The following TMTC1 variants were observed in gnomAD, a reference collection of about 807,000 sequenced individuals.
The protein encoded by TMTC1 is protein O-mannosyl-transferase TMTC1.
A neutral mutation model predicts 104.8 loss-of-function variants in TMTC1; 73 were observed. That is an observed-to-expected ratio of 0.70 (90% CI 0.58 to 0.85). The LOEUF is 0.85. TMTC1 is among the 40% of genes least tolerant of loss of function. The probability of loss-of-function intolerance (pLI) is 0.00; values close to 1 mark genes in which losing one functional copy is unlikely to be tolerated. For synonymous variants in TMTC1, 434 were observed against 428.7 expected, an observed-to-expected ratio of 1.01 and a Z score of -0.15; for missense variants, 1,035 against 1,096.1, an observed-to-expected ratio of 0.94 and a Z score of 0.79.
At chr12:29,643,536 A>AT (rs1938987825) in intron 5 of TMTC1, among the ~76,000 whole-genome samples, 3 of 45,414 alleles carry the variant, frequency 6.6e-5, no homozygotes, top group Non-Finnish European at 1.2e-4. Context: ...AAAATATATA[A>AT]TATATATCAC....
At chr12:29,708,674 C>T (rs1347298563) in intron 5 of TMTC1, among the ~76,000 whole-genome samples, 1 of 152,132 alleles carries the variant, frequency 6.6e-6, no homozygotes, top group East Asian at 1.9e-4. Context: ...GGAAAACTTG[C>T]GTTTGTTAAA....
intron 5 of TMTC1, among the ~76,000 whole-genome samples, chr12:29,689,569 C>A (rs1435411333): frequency 6.6e-6 from 1 of 152,108 alleles, no homozygotes; most frequent in African/African-American, 2.4e-5. Flanking sequence ...CGTCTCAGGC[C>A]CTGGGCTCTG....
At chr12:29,618,643 C>T (rs1947052180) in intron 6 of TMTC1, among the ~76,000 whole-genome samples, 1 of 151,876 alleles carries the variant, frequency 6.6e-6, no homozygotes, top group African/African-American at 2.4e-5. Flanking sequence ...GGGCACTGCA[C>T]TTACAGCTAA....
intron 2 of TMTC1, among the ~76,000 whole-genome samples, chr12:29,760,712 A>C (rs573182675): frequency 5.3e-5 from 8 of 151,804 alleles, no homozygotes; most frequent in Non-Finnish European, 1.5e-5. Flanking sequence ...AAAAATATAA[A>C]TGAATATATA....
In TMTC1 at chr12:29,565,605, G is replaced by C. The variant is rs185484959; in HGVS notation, c.1532+6500C>G. 1.4e-4 allele frequency among the ~76,000 whole-genome samples: 22 copies of C among 152,304 alleles called. No individual in the cohort carries two copies. In the East Asian group the frequency reaches 4.1e-3, roughly 28 times the overall value. On this transcript the variant is annotated intron_variant, in intron 9 of 17. Coordinates refer to ENST00000539277, the MANE Select transcript of TMTC1 (RefSeq NM_001193451.2). ...CTCACGCCTGTAACCCCAGCACTTT[G>C]GGAGGTCAAGATGGGTGGATCACAT... is the stretch of plus-strand genomic sequence containing the variant.
chr12:29,783,325 A>C lies in TMTC1; in HGVS notation c.302+125T>G. ...GCCATGCACATCCTGGAGAGGAGGGAGGCGTGGAGGGAAAGGGCGGCAAAA... is the reference window on the plus strand; with the variant it reads ...GCCATGCACATCCTGGAGAGGAGGGCGGCGTGGAGGGAAAGGGCGGCAAAA... On this transcript the variant is annotated intron_variant, in intron 1 of 17. Coordinates refer to ENST00000539277, the MANE Select transcript of TMTC1 (RefSeq NM_001193451.2). This position sits in a 1 kb window ranked among gnomAD's most constrained non-coding sequence, Gnocchi z 4.7. 1.2e-6 allele frequency: 1 copy of C among 803,858 alleles called. No individual in the cohort carries two copies. The highest frequency in any genetic ancestry group is 1.7e-6 in the Non-Finnish European group (1 of 593,396). The allele number at this position is 803,858 out of a possible 1,614,324, so 49.8% of individuals were successfully genotyped here.
intron 5 of TMTC1, among the ~76,000 whole-genome samples, chr12:29,706,963 G>A (rs1213143100): frequency 2.0e-5 from 3 of 152,166 alleles, no homozygotes; most frequent in Non-Finnish European, 4.4e-5. Flanking sequence ...GTGGAAAAAC[G>A]TATTCTCCCA....
intron 7 of TMTC1, among the ~76,000 whole-genome samples, chr12:29,603,364 G>T (rs909956330): frequency 6.6e-6 from 1 of 151,756 alleles, no homozygotes; most frequent in Non-Finnish European, 1.5e-5. Flanking sequence ...TTTTAGGAAA[G>T]TTCATACTTA....
rs151297082 is a variant in TMTC1 at position 29,697,214 on chromosome 12, A to G, written c.938+54452T>C. ...CTGAATACAGGTTCCACTACATACTACATACTAGCTGAATTTCACTTCTTC... is the reference window on the plus strand; with the variant it reads ...CTGAATACAGGTTCCACTACATACTGCATACTAGCTGAATTTCACTTCTTC... On this transcript the variant is annotated intron_variant, in intron 5 of 17. Transcript: ENST00000539277. Among the ~76,000 whole-genome samples the G allele has an allele frequency of 6.6e-4, 101 of 152,352 alleles. 1 individual carries two copies. The East Asian group carries it at 0.018, about 27-fold the overall frequency.
intron 2 of TMTC1, among the ~76,000 whole-genome samples, chr12:29,760,278 C>T (rs1943314517): frequency 6.6e-6 from 1 of 151,870 alleles, no homozygotes; most frequent in African/African-American, 2.4e-5. Flanking sequence ...ATATATACAG[C>T]AAGCAAGTGA....
chr12:29,616,424 C>T (rs1406418552), intron 6 of TMTC1, among the ~76,000 whole-genome samples: 3 of 152,124 alleles, frequency 2.0e-5, no homozygotes, highest in Non-Finnish European at 4.4e-5. Context: ...GTAATCCCAG[C>T]ACTTTGGGAG....
chr12:29,762,132 T>C (rs1259770838), intron 2 of TMTC1, among the ~76,000 whole-genome samples: 1 of 152,006 alleles, frequency 6.6e-6, no homozygotes, highest in Non-Finnish European at 1.5e-5. Flanking sequence ...TGAGCCGAGA[T>C]CACATCACTG....
intron 5 of TMTC1, among the ~76,000 whole-genome samples, chr12:29,717,440 C>T (rs1443658343): frequency 6.6e-6 from 1 of 152,156 alleles, no homozygotes; most frequent in Non-Finnish European, 1.5e-5. Flanking sequence ...CCTGTAATGG[C>T]TCAGCCTCAG....
intron 17 of TMTC1, among the ~76,000 whole-genome samples, chr12:29,509,559 A>G (rs1943778059): frequency 6.6e-6 from 1 of 151,988 alleles, no homozygotes; most frequent in South Asian, 2.1e-4. Flanking sequence ...GAAAGTTCAT[A>G]ATTATCTTTT....
Position 29,517,450 on chromosome 12 carries a change from G to C in TMTC1, c.2146C>G (p.Gln716Glu), listed in dbSNP as rs1395294032. ...YQEAAALQPS[Q>E]RELRLALAQV... The stretch of plus-strand genomic sequence containing the variant: ...ACCAGTGCCAAGCGGAGCTCCCTCT[G>C]AGAAGGCTGAAGTGCTGCAGCTTCC... Residue 716 changes from glutamine (Q) to glutamate (E), a missense_variant, in exon 14 of 18, where the codon CAG becomes GAG. Gln to Glu is a conservative substitution (Grantham distance 29, BLOSUM62 2). Coordinates refer to ENST00000539277, the MANE Select transcript of TMTC1 (RefSeq NM_001193451.2). The C allele has an allele frequency of 2.5e-6, 4 of 1,614,016 alleles. No individual in the cohort carries two copies. The highest frequency in any genetic ancestry group is 2.5e-6 in the Non-Finnish European group (3 of 1,180,036).
chr12:29,569,463 T>C (rs149543075), intron 9 of TMTC1, among the ~76,000 whole-genome samples: 11 of 152,326 alleles, frequency 7.2e-5, no homozygotes, highest in African/African-American at 2.6e-4. Context: ...TCTTTCTTGC[T>C]GTGTGCAAAT....
At chr12:29,550,141 GGTGA>G (rs1945055636) in intron 10 of TMTC1, among the ~76,000 whole-genome samples, 1 of 152,010 alleles carries the variant, frequency 6.6e-6, no homozygotes, top group Non-Finnish European at 1.5e-5. Context: ...CCTTAAAAGA[GGTGA>G]GTATGATAAT....
intron 5 of TMTC1, among the ~76,000 whole-genome samples, chr12:29,657,023 T>C (rs1373528906): frequency 6.6e-6 from 1 of 152,178 alleles, no homozygotes; most frequent in Non-Finnish European, 1.5e-5. Flanking sequence ...AGGAATAAAA[T>C]AATTGGTTGG....
At chr12:29,643,928 T>G (rs1475493328) in intron 5 of TMTC1, among the ~76,000 whole-genome samples, 3 of 111,788 alleles carry the variant, frequency 2.7e-5, no homozygotes, top group African/African-American at 1.1e-4. Flanking sequence ...TATATATAAA[T>G]AAATATATAT....
Sources: gnomAD v4.1 joint callset for allele counts (sites outside exome capture counted in the v4.1 genomes callset) on GRCh38, gnomAD v4.1.1 for gene constraint, Gnocchi (gnomAD v3.1) non-coding constraint, MANE v1.5 for transcripts, NCBI Gene and HGNC (gene_info 2026-07-23, HGNC 2026-07-21) for gene names.